SPAG16: variants seen among roughly 807,000 people sequenced by gnomAD.
SPAG16 encodes sperm associated antigen 16.
In SPAG16, 86 loss-of-function variants were observed where a neutral mutation model predicts 80.4. The observed-to-expected ratio is 1.07, with a 90% CI of 0.90 to 1.28. The LOEUF (loss-of-function observed/expected upper bound fraction) is 1.28. Among genes scored for constraint, SPAG16 ranks in the 50% most tolerant of loss-of-function variants. The pLI is 0.00. For missense variants in SPAG16, 870 were observed against 765.3 expected (o/e 1.14, Z -1.61); for synonymous variants, 294 against 265.9 (o/e 1.11, Z -1.03).
rs139903724 is a variant in SPAG16, at chr2:213,394,561, G to A, written c.942+19442G>A. 8.4e-3 allele frequency among the ~76,000 whole-genome samples: 1,284 copies of A among 152,274 alleles called. 8 individuals are homozygous for A. The highest frequency in any genetic ancestry group is 0.013 in the Non-Finnish European group (870 of 68,006). On this transcript the variant is annotated intron_variant, in intron 9 of 15. Transcript: ENST00000331683. ...AGTTCTGCCTGCCAGAGGATCCCTG[G>A]TGTTGCCCTTTTATAGCCACACTGA...
At chr2:213,797,840 G>A (rs1212604232) in intron 10 of SPAG16, among the ~76,000 whole-genome samples, 1 of 152,212 alleles carries the variant, frequency 6.6e-6, no homozygotes, top group Non-Finnish European at 1.5e-5. Context: ...AGATAACTAG[G>A]AGTAGAGCTG....
chr2:214,375,730 T>C (rs1194410895), intron 15 of SPAG16, among the ~76,000 whole-genome samples: 1 of 152,180 alleles, frequency 6.6e-6, no homozygotes, highest in African/African-American at 2.4e-5. Flanking sequence ...TTTCTAGCCA[T>C]GGAGAGTTGG....
intron 1 of SPAG16, among the ~76,000 whole-genome samples, chr2:213,286,327 C>G (rs1192606647): frequency 6.6e-6 from 1 of 152,182 alleles, no homozygotes; most frequent in African/African-American, 2.4e-5. Flanking sequence ...AGGGGATACA[C>G]AGTTAAACAT....
chr2:213,781,271 A>T (rs767876258), intron 10 of SPAG16, among the ~76,000 whole-genome samples: 1 of 152,172 alleles, frequency 6.6e-6, no homozygotes, highest in Non-Finnish European at 1.5e-5. Context: ...CATTATGGAG[A>T]GGGAAAAACT....
At chr2:214,187,015 T>C (rs2057500486) in intron 15 of SPAG16, among the ~76,000 whole-genome samples, 2 of 152,076 alleles carry the variant, frequency 1.3e-5, no homozygotes, top group African/African-American at 4.8e-5. Flanking sequence ...CCACCCACCT[T>C]GGCCTCCCAA....
intron 10 of SPAG16, among the ~76,000 whole-genome samples, chr2:213,750,222 C>T (rs1024088037): frequency 6.6e-6 from 1 of 152,166 alleles, no homozygotes; most frequent in African/African-American, 2.4e-5. Context: ...AACATTGCTA[C>T]AGTTATGCAA....
At chr2:214,266,219 A>T (rs1238036628) in intron 15 of SPAG16, among the ~76,000 whole-genome samples, 1 of 151,938 alleles carries the variant, frequency 6.6e-6, no homozygotes, top group Non-Finnish European at 1.5e-5. Context: ...AGGCAGCAAC[A>T]TTCAAACAAA....
chr2:213,563,391 C>T (rs56259213), intron 10 of SPAG16, among the ~76,000 whole-genome samples: 1,781 of 152,234 alleles, frequency 0.012, 37 homozygotes, highest in African/African-American at 0.039. Flanking sequence ...TAACAATATA[C>T]TATAGACTAG....
At chr2:213,635,443 G>T (rs1366294810) in intron 10 of SPAG16, among the ~76,000 whole-genome samples, 1 of 152,158 alleles carries the variant, frequency 6.6e-6, no homozygotes, top group Non-Finnish European at 1.5e-5. Flanking sequence ...TAGTGGGATT[G>T]CTGGATCAAA....
chr2:214,248,944 T>A (rs985242988), intron 15 of SPAG16, among the ~76,000 whole-genome samples: 11 of 152,142 alleles, frequency 7.2e-5, no homozygotes, highest in African/African-American at 1.9e-4. Context: ...CCACAGCAGA[T>A]AAAAGTTTTA....
intron 1 of SPAG16, among the ~76,000 whole-genome samples, chr2:213,289,917 T>C (rs1273402293): frequency 6.6e-6 from 1 of 152,234 alleles, no homozygotes; most frequent in Non-Finnish European, 1.5e-5. Flanking sequence ...ACTTTGCTGC[T>C]CACATCTGAA....
rs566566960 is a variant in SPAG16 at position 214,060,185 on chromosome 2, C to T, written c.1527+46108C>T. 3.9e-5 allele frequency among the ~76,000 whole-genome samples: 6 copies of T among 152,226 alleles called. No individual in the cohort carries two copies. In the South Asian group the frequency reaches 8.3e-4, roughly 21 times the overall value. ...TTAGGAAAAAAATTTTTCCCTATAC[C>T]ATCTGCAGAATATTAGATTCATCCT... On this transcript the variant is annotated intron_variant, in intron 13 of 15. Coordinates refer to ENST00000331683, the MANE Select transcript of SPAG16 (RefSeq NM_024532.5).
intron 4 of SPAG16, among the ~76,000 whole-genome samples, chr2:213,316,502 T>G (rs897993455): frequency 6.6e-6 from 1 of 152,170 alleles, no homozygotes; most frequent in Admixed American, 6.6e-5. Context: ...AAAACCTTCC[T>G]ATGGTTTACT....
At position 213,900,677 on chromosome 2, in the gene SPAG16, C is replaced by T. The variant is rs185486540; in HGVS notation, c.1215-29283C>T. Among the ~76,000 whole-genome samples, 242 of 152,236 alleles carry T rather than the reference C, an allele frequency of 1.6e-3. 3 individuals carry two copies. In the East Asian group the frequency reaches 0.04, roughly 25 times the overall value. ...AGACTAATTGTTCTGTTACTCTTCT[C>T]TTCCTGAATGCAAATTACTTAAAAA... On this transcript the variant is annotated intron_variant, in intron 11 of 15. Transcript: ENST00000331683.
At chr2:214,067,186 T>C (rs2050570856) in intron 13 of SPAG16, among the ~76,000 whole-genome samples, 1 of 152,172 alleles carries the variant, frequency 6.6e-6, no homozygotes, top group Non-Finnish European at 1.5e-5. Context: ...ATAAGACCAG[T>C]GATTACAAAT....
chr2:213,438,212 C>A (rs2070747281), intron 9 of SPAG16, among the ~76,000 whole-genome samples: 1 of 152,050 alleles, frequency 6.6e-6, no homozygotes, highest in Non-Finnish European at 1.5e-5. Context: ...TTATAGATAC[C>A]AGAAAAAGTG....
chr2:213,376,395 T>A (rs550879144), intron 9 of SPAG16, among the ~76,000 whole-genome samples: 1 of 152,134 alleles, frequency 6.6e-6, no homozygotes, highest in Admixed American at 6.5e-5. Context: ...CATTGCATAT[T>A]TATGCATAGT....
At chr2:213,680,796 T>C (rs1258841449) in intron 10 of SPAG16, among the ~76,000 whole-genome samples, 2 of 152,162 alleles carry the variant, frequency 1.3e-5, no homozygotes, top group East Asian at 3.9e-4. Flanking sequence ...GTTTTATATA[T>C]TTTTAGGGAG....
chr2:214,135,825 G>T (rs1405697261), intron 14 of SPAG16, among the ~76,000 whole-genome samples: 1 of 151,822 alleles, frequency 6.6e-6, no homozygotes, highest in East Asian at 1.9e-4. Flanking sequence ...AAAAGAAGCA[G>T]CCTGAAGCCC....
Sources: allele counts gnomAD v4.1 joint callset (sites outside exome capture counted in the v4.1 genomes callset), GRCh38; gene constraint gnomAD v4.1.1; transcripts MANE v1.5; gene names NCBI Gene and HGNC (gene_info 2026-07-23, HGNC 2026-07-21).